GPHN: variants seen among roughly 807,000 people sequenced by gnomAD.
GPHN encodes the protein gephyrin.
A neutral mutation model predicts 95.5 loss-of-function variants in GPHN; 17 were observed. That is an observed-to-expected ratio of 0.18 (90% confidence interval 0.12 to 0.27). The LOEUF (loss-of-function observed/expected upper bound fraction) is 0.27, where lower values mean the gene tolerates loss of function less well. Ranked by LOEUF, GPHN falls within the 10% of genes least tolerant of loss-of-function variation. The pLI is 1.00. For missense variants in GPHN, 660 were observed against 978.1 expected (o/e 0.67, Z 4.34); for synonymous variants, 320 against 322.5 (o/e 0.99, Z 0.08).
At chr14:66,956,986 G>C in intron 8 of GPHN, among the ~76,000 whole-genome samples, 1 of 103,754 alleles carries the variant, frequency 9.6e-6, no homozygotes. Context: ...AGGGGGGAGG[G>C]ATAGCACTGG....
At chr14:66,515,115 T>G (rs2058188758) in intron 1 of GPHN, among the ~76,000 whole-genome samples, 1 of 152,220 alleles carries the variant, frequency 6.6e-6, no homozygotes, top group African/African-American at 2.4e-5. Context: ...GGTTCCTTCC[T>G]CTTTGTATGT....
At chr14:67,514,937 CG>C in the GPHN span, 1 of 151,998 alleles carries the variant, frequency 6.6e-6, no homozygotes, top group African/African-American at 2.4e-5. Context: ...AAAGAGGAAG[CG>C]GGATCTGCTA....
At chr14:66,542,928 C>A (rs1265553067) in intron 1 of GPHN, among the ~76,000 whole-genome samples, 1 of 152,168 alleles carries the variant, frequency 6.6e-6, no homozygotes, top group Non-Finnish European at 1.5e-5. Flanking sequence ...GCTCACGATT[C>A]TGCAGGCCAT....
chr14:66,809,495 A>T (rs1200168468), intron 3 of GPHN, among the ~76,000 whole-genome samples: 2 of 152,310 alleles, frequency 1.3e-5, no homozygotes, highest in East Asian at 3.9e-4. Flanking sequence ...AACAAGAAAT[A>T]CAAAAAAGAT....
At chr14:66,550,587 A>G (rs1360744671) in intron 1 of GPHN, among the ~76,000 whole-genome samples, 1 of 152,188 alleles carries the variant, frequency 6.6e-6, no homozygotes, top group Non-Finnish European at 1.5e-5. Flanking sequence ...AGCAATTTTG[A>G]AAGAAGTTCT....
At chr14:67,562,711 C>T in the GPHN span, 1 of 1,612,942 alleles carries the variant, frequency 6.2e-7, no homozygotes. Context: ...ACCCCTCTGG[C>T]CTTCCTGAGC....
the GPHN span, chr14:67,392,220 T>C: frequency 3.8e-6 from 3 of 787,370 alleles, no homozygotes; most frequent in African/African-American, 1.7e-5. Context: ...TTTGCTGTAA[T>C]TGGTGCCCTC....
At chr14:66,935,967 G>A (rs1331897611) in intron 8 of GPHN, among the ~76,000 whole-genome samples, 2 of 152,114 alleles carry the variant, frequency 1.3e-5, no homozygotes, top group African/African-American at 4.8e-5. Flanking sequence ...TTCAAGTCTA[G>A]GCAGTCTGAT....
At chr14:66,554,465 T>C (rs1403412343) in intron 1 of GPHN, among the ~76,000 whole-genome samples, 3 of 152,176 alleles carry the variant, frequency 2.0e-5, no homozygotes, top group Non-Finnish European at 4.4e-5. Flanking sequence ...AAACTTATAA[T>C]CGTGGCGGAA....
chr14:67,613,245 C>T, the GPHN span: 1 of 156,128 alleles, frequency 6.4e-6, no homozygotes, highest in African/African-American at 2.4e-5. Context: ...GTGGTAATAA[C>T]CCTAATAGTG....
chr14:67,493,693 T>C, the GPHN span, among the ~76,000 whole-genome samples: 1 of 152,118 alleles, frequency 6.6e-6, no homozygotes, highest in Non-Finnish European at 1.5e-5. Context: ...ATTCCCCTGG[T>C]TCTGTGATTG....
chr14:67,549,920 C>G, the GPHN span, among the ~76,000 whole-genome samples: 2 of 152,208 alleles, frequency 1.3e-5, no homozygotes, highest in Non-Finnish European at 1.5e-5. Flanking sequence ...GTGATTCTTA[C>G]GCCCTTGAAA....
chr14:67,472,900 T>C, the GPHN span: 1 of 163,986 alleles, frequency 6.1e-6, no homozygotes, highest in Admixed American at 5.7e-5. Flanking sequence ...AGACCAGCGT[T>C]GCTGCCACGC....
chr14:67,469,440 CTTTTTTT>C, the GPHN span, among the ~76,000 whole-genome samples: 165 of 80,872 alleles, frequency 2.0e-3, no homozygotes, highest in African/African-American at 7.3e-3. Context: ...CCATGCCTGG[CTTTTTTT>C]TTTTTTTTTT....
intron 2 of GPHN, among the ~76,000 whole-genome samples, chr14:66,683,235 T>G (rs1357481385): frequency 2.0e-5 from 3 of 148,052 alleles, no homozygotes; most frequent in African/African-American, 7.5e-5. Flanking sequence ...TATTAAGAAC[T>G]GTCAGGATAT....
chr14:67,076,673 A>G (rs1279173698), intron 11 of GPHN, among the ~76,000 whole-genome samples: 3 of 152,214 alleles, frequency 2.0e-5, no homozygotes, highest in Non-Finnish European at 4.4e-5. Flanking sequence ...CACATAGATT[A>G]TGTATAATGG....
the GPHN span, among the ~76,000 whole-genome samples, chr14:67,243,631 T>TACA: frequency 6.6e-6 from 1 of 151,516 alleles, no homozygotes; most frequent in Admixed American, 6.6e-5. Context: ...TAGTTGGGAC[T>TACA]ACAGGTGCCC....
chr14:66,590,905 C>T (rs1211990615), intron 1 of GPHN, among the ~76,000 whole-genome samples: 3 of 152,144 alleles, frequency 2.0e-5, no homozygotes, highest in African/African-American at 7.2e-5. Context: ...CAAAAATCCT[C>T]AATAAAATAC....
the GPHN span, among the ~76,000 whole-genome samples, chr14:67,264,627 A>C: frequency 6.6e-6 from 1 of 152,208 alleles, no homozygotes; most frequent in African/African-American, 2.4e-5. Flanking sequence ...TTTTTTAATA[A>C]AATTTGTAAA....
Sources: allele counts gnomAD v4.1 joint callset (sites outside exome capture counted in the v4.1 genomes callset), GRCh38; gene constraint gnomAD v4.1.1; transcripts MANE v1.5; gene names NCBI Gene and HGNC (gene_info 2026-07-23, HGNC 2026-07-21).